Variants in ZFHX3 observed in about 807,000 individuals in gnomAD.
The protein encoded by ZFHX3 is zinc finger homeobox 3, also known as zinc finger homeobox protein 3.
ZFHX3 carries 42 observed loss-of-function variants against 279.1 expected under a neutral mutation model. The observed-to-expected ratio is 0.15, with a 90% CI of 0.12 to 0.19. The LOEUF is 0.19. Among genes scored for constraint, ZFHX3 ranks in the 10% least tolerant of loss-of-function variants. ZFHX3 has a pLI of 1.00. For missense variants in ZFHX3, 4,981 were observed against 4,754.0 expected (o/e 1.05, Z -1.40); for synonymous variants, 2,293 against 1,957.8 (o/e 1.17, Z -4.52).
intron 1 of ZFHX3, among the ~76,000 whole-genome samples, chr16:73,697,074 A>T (rs950732623): frequency 9.9e-5 from 15 of 152,186 alleles, no homozygotes; most frequent in Non-Finnish European, 1.8e-4. Flanking sequence ...TTTGTTGGAG[A>T]AATTATAGAA....
chr16:73,729,457 C>T (rs764283648), intron 1 of ZFHX3, among the ~76,000 whole-genome samples: 17 of 151,778 alleles, frequency 1.1e-4, no homozygotes, highest in Non-Finnish European at 1.6e-4. Flanking sequence ...TGAACCTGGG[C>T]GGCAGAGGCT....
chr16:73,567,151 G>A (rs938992875), intron 2 of ZFHX3, among the ~76,000 whole-genome samples: 4 of 152,090 alleles, frequency 2.6e-5, no homozygotes, highest in Non-Finnish European at 5.9e-5. Flanking sequence ...TTTTTTGTTT[G>A]TTTGTTTTTT....
intron 1 of ZFHX3, among the ~76,000 whole-genome samples, chr16:73,806,367 G>A (rs547144271): frequency 2.0e-4 from 30 of 152,324 alleles, no homozygotes; most frequent in Admixed American, 1.6e-3. Flanking sequence ...AGGGAAGCCG[G>A]TGTGACCACA....
At chr16:73,419,167 A>C (rs115018892) in intron 3 of ZFHX3, among the ~76,000 whole-genome samples, 2 of 152,230 alleles carry the variant, frequency 1.3e-5, no homozygotes, top group Non-Finnish European at 2.9e-5. Context: ...AGTGAGACAG[A>C]CCGGCTAATG....
intron 3 of ZFHX3, among the ~76,000 whole-genome samples, chr16:72,907,198 G>T (rs74706123): frequency 6.6e-6 from 1 of 152,082 alleles, no homozygotes; most frequent in South Asian, 2.1e-4. Context: ...CAAATCTTTC[G>T]ATGACCTTTC....
intron 1 of ZFHX3, among the ~76,000 whole-genome samples, chr16:73,756,984 G>C (rs188802752): frequency 1.3e-5 from 2 of 152,050 alleles, no homozygotes; most frequent in Non-Finnish European, 2.9e-5. Context: ...AAATCCAATC[G>C]TAAGAGTGCA....
intron 3 of ZFHX3, chr16:73,400,162 G>A (rs1223002400): frequency 6.6e-6 from 1 of 151,622 alleles, no homozygotes; most frequent in Non-Finnish European, 1.5e-5. Context: ...GGCCCAGAGA[G>A]GTTAAGTGAT....
intron 1 of ZFHX3, among the ~76,000 whole-genome samples, chr16:73,709,354 GA>G: frequency 6.6e-6 from 1 of 150,376 alleles, no homozygotes; most frequent in South Asian, 2.1e-4. Context: ...GACAGAGAGA[GA>G]GAGAGAGAGA....
chr16:73,473,339 C>CAAAAAAAAAAGAAAAA (rs2018703122), intron 2 of ZFHX3, among the ~76,000 whole-genome samples: 1 of 76,658 alleles, frequency 1.3e-5, no homozygotes, highest in East Asian at 3.7e-4. Context: ...TGTCTCAAAG[C>CAAAAAAAAAAGAAAAA]AAAAAAAAAA....
At chr16:72,941,422 A>G (rs1960405675) in intron 3 of ZFHX3, among the ~76,000 whole-genome samples, 1 of 152,210 alleles carries the variant, frequency 6.6e-6, no homozygotes, top group Non-Finnish European at 1.5e-5. Context: ...GCCTGCTGGC[A>G]GGTCATTATG....
At chr16:73,418,322 G>C (rs1280294051) in intron 3 of ZFHX3, among the ~76,000 whole-genome samples, 1 of 149,772 alleles carries the variant, frequency 6.7e-6, no homozygotes, top group Non-Finnish European at 1.5e-5. Context: ...GTGACTTTGG[G>C]GCAGCCGCCC....
At chr16:73,121,623 T>C (rs1966500890) in intron 7 of ZFHX3, among the ~76,000 whole-genome samples, 1 of 151,598 alleles carries the variant, frequency 6.6e-6, no homozygotes, top group Admixed American at 6.6e-5. Flanking sequence ...GCTTTCTTTT[T>C]TTTTTTTTTT....
chr16:72,884,616 G>A (rs898742766), intron 4 of ZFHX3, among the ~76,000 whole-genome samples: 4 of 152,206 alleles, frequency 2.6e-5, no homozygotes, highest in Admixed American at 2.0e-4. Context: ...GACAAGGCGA[G>A]TAAGAGAGAA....
At chr16:73,439,911 A>G (rs200085050) in intron 3 of ZFHX3, among the ~76,000 whole-genome samples, 350 of 22,960 alleles carry the variant, frequency 0.015, 2 homozygotes, top group East Asian at 0.11. Flanking sequence ...GAGAGGGACA[A>G]AAAAAAAAAA....
chr16:73,054,963 A>G (rs1455493921), intron 1 of ZFHX3, among the ~76,000 whole-genome samples: 1 of 152,112 alleles, frequency 6.6e-6, no homozygotes, highest in Non-Finnish European at 1.5e-5. Context: ...CCTAAACCCA[A>G]AAGATTTTAA....
At chr16:73,843,235 G>A (rs1261981404) in intron 1 of ZFHX3, among the ~76,000 whole-genome samples, 1 of 152,184 alleles carries the variant, frequency 6.6e-6, no homozygotes, top group Non-Finnish European at 1.5e-5. Flanking sequence ...AAAGACTGGA[G>A]TTTTATTTAA....
intron 8 of ZFHX3, chr16:73,092,571 T>C (rs1966096980): frequency 6.1e-6 from 1 of 165,070 alleles, no homozygotes; most frequent in Non-Finnish European, 1.3e-5. Context: ...CAAGGTTTGC[T>C]GGGCTGGCTA....
intron 1 of ZFHX3, chr16:73,796,368 A>G (rs1035170275): frequency 1.3e-5 from 2 of 152,188 alleles, no homozygotes; most frequent in African/African-American, 4.8e-5. Flanking sequence ...AAAGAAATGA[A>G]CCAATCTTGT....
chr16:73,862,232 C>T (rs577784041), intron 1 of ZFHX3, among the ~76,000 whole-genome samples: 1 of 152,156 alleles, frequency 6.6e-6, no homozygotes, highest in Non-Finnish European at 1.5e-5. Flanking sequence ...TTCTAGGTTC[C>T]GTCCTGGAAG....
Sources: allele counts gnomAD v4.1 joint callset (sites outside exome capture counted in the v4.1 genomes callset), GRCh38; gene constraint gnomAD v4.1.1; transcripts MANE v1.5; gene names NCBI Gene and HGNC (gene_info 2026-07-23, HGNC 2026-07-21).